Variants in SLC25A16 observed in about 807,000 individuals in gnomAD.
SLC25A16 encodes solute carrier family 25 member 16.
A neutral mutation model predicts 41.5 loss-of-function variants in SLC25A16; 39 were observed. The observed-to-expected ratio is 0.94, with a 90% CI of 0.73 to 1.23. The LOEUF is 1.23. Ranked by LOEUF, SLC25A16 falls within the 50% of genes most tolerant of loss-of-function variation. The pLI is 0.00. For synonymous variants in SLC25A16, 146 were observed against 147.8 expected (o/e 0.99, Z 0.09); for missense variants, 421 against 426.9 (o/e 0.99, Z 0.12).
rs916276460 is a variant in SLC25A16 at position 68,483,102 on chromosome 10, A to C, written c.*330T>G. On this transcript the variant is annotated 3_prime_UTR_variant, in exon 9 of 9. Transcript: ENST00000609923. ...CTTTTAAAAACCATGATAACAATTAAAAACTTTGAACAGCATGACAAAGCT... is the reference window on the plus strand; with the variant it reads ...CTTTTAAAAACCATGATAACAATTACAAACTTTGAACAGCATGACAAAGCT... The C allele has an allele frequency of 5.8e-6, 1 of 171,820 alleles. No individual in the cohort carries two copies. The highest frequency in any genetic ancestry group is 1.2e-5 in the Non-Finnish European group (1 of 81,214). The allele number at this position is 171,820 out of a possible 1,614,324, so 10.6% of individuals were successfully genotyped here.
intron 1 of SLC25A16, among the ~76,000 whole-genome samples, chr10:68,526,575 A>G (rs2053341285): frequency 6.6e-6 from 1 of 151,952 alleles, no homozygotes; most frequent in Non-Finnish European, 1.5e-5. Flanking sequence ...TTTCTTTCCT[A>G]AGTCTCTCGT....
At chr10:68,488,784 A>T (rs963036232) in intron 6 of SLC25A16, among the ~76,000 whole-genome samples, 155 bp from the exon 7 acceptor site, 5 of 152,234 alleles carry the variant, frequency 3.3e-5, no homozygotes, top group Non-Finnish European at 7.3e-5. Flanking sequence ...TAAAGATGAC[A>T]AAATTACCAC....
At chr10:68,516,651 C>T in intron 2 of SLC25A16, 100 bp downstream of exon 2, 1 of 726,512 alleles carries the variant, frequency 1.4e-6, no homozygotes. Context: ...TAAAGAGGAA[C>T]CTCTACTTTA....
Position 68,515,804 on chromosome 10 carries a change from AT to A in SLC25A16, c.223+946del, listed in dbSNP as rs1484799108. On this transcript the variant is annotated intron_variant, in intron 2 of 8. Transcript: ENST00000609923. ...CAAGAGCGAAACTCTGCCTCAAAAA[AT>A]AAATAAATAAATAAATAAATAGTAA... Among the ~76,000 whole-genome samples, 11 of 102,998 alleles carry A rather than the reference AT, an allele frequency of 1.1e-4. No individual in the cohort carries two copies. In the South Asian group the frequency reaches 2.9e-3, roughly 27 times the overall value. 67.6% of individuals were successfully genotyped at this position (102,998 alleles called of 152,430 possible). A position where few individuals can be genotyped will look rare whatever the true frequency, so the allele number is the denominator to read the frequency against.
At chr10:68,513,772 C>T (rs2053110788) in intron 2 of SLC25A16, among the ~76,000 whole-genome samples, 1 of 152,064 alleles carries the variant, frequency 6.6e-6, no homozygotes, top group Admixed American at 6.6e-5. Flanking sequence ...CCCCTGTAAT[C>T]CCAGCTAGTC....
At chr10:68,493,690 GAT>G in intron 4 of SLC25A16, 120 bp from the exon 5 acceptor site, 1 of 763,496 alleles carries the variant, frequency 1.3e-6, no homozygotes, top group Admixed American at 2.4e-5. Flanking sequence ...AATCAAAGGT[GAT>G]ATTACTGACA....
rs1564933618 is a variant in SLC25A16, at chr10:68,527,337, G to A, written c.39C>T (p.Ala13=). 1 of 1,531,880 alleles carries A rather than the reference G, an allele frequency of 6.5e-7. No homozygotes were observed. Among genetic ancestry groups the A allele is most frequent in the Non-Finnish European group, 8.8e-7 (1 of 1,140,726 alleles). The allele number at this position is 1,531,880 out of a possible 1,614,324, so 94.9% of individuals were successfully genotyped here. Residue 13 remains alanine, a synonymous_variant, in exon 1 of 9, where the codon GCC becomes GCT. Coordinates refer to ENST00000609923, the MANE Select transcript of SLC25A16 (RefSeq NM_152707.4). ...CCTGCGGCATTGCGGGAGGGGGATC[G>A]GCCGCCGCCAGGGCTGCCGCGGCCG... The part of the protein sequence containing the change: ...AATAAAALAA[A]DPPPAMPQAA...
chr10:68,491,855 GTC>G (rs2052664333), intron 6 of SLC25A16, among the ~76,000 whole-genome samples: 1 of 152,018 alleles, frequency 6.6e-6, no homozygotes, highest in South Asian at 2.1e-4. Flanking sequence ...TAGAAATGGA[GTC>G]TCACTCTTTC....
At chr10:68,512,322 T>A (rs1299035957) in intron 2 of SLC25A16, among the ~76,000 whole-genome samples, 1 of 152,040 alleles carries the variant, frequency 6.6e-6, no homozygotes, top group Non-Finnish European at 1.5e-5. Context: ...CATAAATTAG[T>A]CTAATAGAAA....
intron 1 of SLC25A16, among the ~76,000 whole-genome samples, chr10:68,519,694 CA>C (rs912587590): frequency 6.6e-6 from 1 of 151,350 alleles, no homozygotes; most frequent in Non-Finnish European, 1.5e-5. Context: ...GTGGGCAGAT[CA>C]TCTGAGGTCA....
At position 68,487,212 on chromosome 10, in the gene SLC25A16, G is replaced by A; in HGVS notation, c.774C>T (p.Ser258=). 1 of 1,612,978 alleles carries A rather than the reference G, an allele frequency of 6.2e-7. No individual in the cohort carries two copies. The highest frequency in any genetic ancestry group is 8.5e-7 in the Non-Finnish European group (1 of 1,179,452). ...GVAGAIAQTI[S]YPFDVTRRRM... ...GCCGACGAGTCACATCAAATGGGTA[G>A]CTAAAAGAAGAAAAAGGCATAAAGA... Residue 258 remains serine (S), a splice_region_variant and synonymous_variant, in exon 8 of 9, where the codon TCC becomes TCT. Coordinates refer to ENST00000609923, the MANE Select transcript of SLC25A16 (RefSeq NM_152707.4).
intron 2 of SLC25A16, among the ~76,000 whole-genome samples, chr10:68,508,769 A>C (rs1480172065): frequency 6.6e-6 from 1 of 152,154 alleles, no homozygotes; most frequent in Non-Finnish European, 1.5e-5. Context: ...GCGGACACAA[A>C]GGTTAAGCCC....
At chr10:68,520,578 G>A (rs911203046) in intron 1 of SLC25A16, among the ~76,000 whole-genome samples, 7 of 151,928 alleles carry the variant, frequency 4.6e-5, no homozygotes, top group Non-Finnish European at 8.8e-5. Flanking sequence ...TTGGAAGTCC[G>A]AGGCAGGCAG....
At chr10:68,501,832 T>C (rs937517411) in intron 4 of SLC25A16, among the ~76,000 whole-genome samples, 5 of 152,138 alleles carry the variant, frequency 3.3e-5, no homozygotes, top group Admixed American at 6.6e-5. Context: ...GAAAACTTAT[T>C]CCATCCATCC....
At chr10:68,489,007 C>T (rs1322417387) in intron 6 of SLC25A16, among the ~76,000 whole-genome samples, 1 of 152,150 alleles carries the variant, frequency 6.6e-6, no homozygotes, top group African/African-American at 2.4e-5. Flanking sequence ...TGGTGGCTCA[C>T]ACCTGTAATC....
intron 1 of SLC25A16, among the ~76,000 whole-genome samples, chr10:68,524,183 G>A (rs112804829): frequency 0.013 from 1,978 of 151,390 alleles, 50 homozygotes; most frequent in African/African-American, 0.045. Context: ...GGTGGCGGGC[G>A]CCTGTAGTCC....
chr10:68,509,682 G>T (rs1236681467), intron 2 of SLC25A16, among the ~76,000 whole-genome samples: 1 of 145,078 alleles, frequency 6.9e-6, no homozygotes, highest in Non-Finnish European at 1.5e-5. Context: ...CAGCCTGGGT[G>T]ACAGAATAAG....
At chr10:68,502,774 AG>A (rs2052871564) in intron 4 of SLC25A16, among the ~76,000 whole-genome samples, 1 of 51,312 alleles carries the variant, frequency 1.9e-5, no homozygotes, top group Non-Finnish European at 3.8e-5. Context: ...GGAGGGGAGA[AG>A]AAAAGAGGGG....
At chr10:68,491,897 C>G (rs1003843168) in intron 6 of SLC25A16, among the ~76,000 whole-genome samples, 1 of 151,810 alleles carries the variant, frequency 6.6e-6, no homozygotes, top group Admixed American at 6.6e-5. Flanking sequence ...GGCGTGATCT[C>G]GGCTCACCAC....
Sources: gnomAD v4.1 joint callset for allele counts (sites outside exome capture counted in the v4.1 genomes callset) on GRCh38, gnomAD v4.1.1 for gene constraint, MANE v1.5 for transcripts, NCBI Gene and HGNC (gene_info 2026-07-23, HGNC 2026-07-21) for gene names.